Variants in DPH1 observed in about 807,000 individuals in gnomAD.
DPH1 encodes 2-(3-amino-3-carboxypropyl)histidine synthase subunit 1.
A neutral mutation model predicts 55.3 loss-of-function variants in DPH1; 59 were observed. That is an observed-to-expected ratio of 1.07 (90% CI 0.87 to 1.33). The LOEUF (loss-of-function observed/expected upper bound fraction) is 1.33, where lower values mean the gene tolerates loss of function less well. Ranked by LOEUF, DPH1 falls within the 40% of genes most tolerant of loss-of-function variation. DPH1 has a pLI of 0.00. For synonymous variants in DPH1, 238 were observed against 235.5 expected (o/e 1.01, Z -0.10); for missense variants, 628 against 584.8 (o/e 1.07, Z -0.76).
At chr17:2,030,959 G>A (rs2067323693) in intron 1 of DPH1, among the ~76,000 whole-genome samples, 1 of 152,212 alleles carries the variant, frequency 6.6e-6, no homozygotes, top group African/African-American at 2.4e-5. Context: ...CCACACAGTG[G>A]GTGAAGCCTC....
chr17:2,035,600 C>T (rs563639990), intron 3 of DPH1, among the ~76,000 whole-genome samples: 3 of 151,918 alleles, frequency 2.0e-5, no homozygotes, highest in East Asian at 1.9e-4. Context: ...CAGCACTCAG[C>T]GCGGGAGTGA....
chr17:2,040,562 G>A lies in DPH1; in HGVS notation c.964G>A (p.Glu322Lys). The A allele has an allele frequency of 6.2e-7, 1 of 1,614,204 alleles. No homozygotes were observed. The highest frequency in any genetic ancestry group is 8.5e-7 in the Non-Finnish European group (1 of 1,180,038). Residue 322 changes from glutamate (E) to lysine (K), a missense_variant, in exon 9 of 13, where the codon GAG becomes AAG. Coordinates refer to ENST00000263083, the MANE Select transcript of DPH1 (RefSeq NM_001383.6). ...TTCCTTTGTGAGGCTGCTGCTCTCTGAGATCTTCCCCAGCAAGCTTAGCCT... is the reference window on the plus strand; with the variant it reads ...TTCCTTTGTGAGGCTGCTGCTCTCTAAGATCTTCCCCAGCAAGCTTAGCCT... ...GLSFVRLLLS[E>K]IFPSKLSLLP...
intron 12 of DPH1, 82 bp downstream of exon 12, chr17:2,041,957 G>A: frequency 6.6e-7 from 1 of 1,522,274 alleles, no homozygotes; most frequent in Non-Finnish European, 8.8e-7. Flanking sequence ...CGCCCTCGGG[G>A]CGGTGCTGAC....
At chr17:2,030,139 G>T (rs764674601), upstream of DPH1, 37 of 1,592,682 alleles carry the variant, frequency 2.3e-5, no homozygotes, top group Non-Finnish European at 1.7e-6. Context: ...TTCCAGCGCT[G>T]TCTTTTTAGT....
intron 6 of DPH1, chr17:2,038,997 T>C (rs2067468793): frequency 6.6e-6 from 1 of 151,468 alleles, no homozygotes; most frequent in Non-Finnish European, 1.5e-5. Flanking sequence ...CTCCAAGAGG[T>C]GAAGTGAAGG....
At position 2,039,457 on chromosome 17, in the gene DPH1, A is replaced by G. The variant is rs150250088; in HGVS notation, c.681-298A>G. ...CAGTGGCGCGATCTCAGCTCACTGC[A>G]AGCTACGCCTCCCGGGTTCACGCCA... is the stretch of plus-strand genomic sequence containing the variant. On this transcript the variant is annotated intron_variant, in intron 6 of 12. Coordinates refer to ENST00000263083, the MANE Select transcript of DPH1 (RefSeq NM_001383.6). The G allele has an allele frequency of 6.7e-3, 2,077 of 309,600 alleles. 41 individuals are homozygous for G. The highest frequency in any genetic ancestry group is 0.042 in the African/African-American group (1,894 of 45,096). 19.2% of individuals were successfully genotyped at this position (309,600 alleles called of 1,614,324 possible).
chr17:2,042,055 C>T (rs753169301), intron 12 of DPH1, 180 bp downstream of exon 12: 3 of 1,532,910 alleles, frequency 2.0e-6, no homozygotes, highest in Non-Finnish European at 2.6e-6. Context: ...ATAATGGCCG[C>T]GCAGCGACCC....
At chr17:2,031,771 CTTA>C (rs2067335842) in intron 1 of DPH1, among the ~76,000 whole-genome samples, 1 of 151,904 alleles carries the variant, frequency 6.6e-6, no homozygotes, top group East Asian at 1.9e-4. Context: ...GTTTATTCAG[CTTA>C]TTATTTTTTA....
At chr17:2,037,073 G>A (rs2067438547) in intron 6 of DPH1, 117 bp downstream of exon 6, 13 of 1,428,744 alleles carry the variant, frequency 9.1e-6, no homozygotes, top group East Asian at 4.9e-5. Context: ...CTGTGAGCCC[G>A]AGGTCACACT....
rs781752622 is a variant in DPH1 at position 2,040,539 on chromosome 17, C to T, written c.941C>T (p.Ser314Phe). The change falls in exon 9 of 13, where the codon TCC (serine) becomes TTC (phenylalanine). Residue 314 changes from serine to phenylalanine, a missense_variant. Ser to Phe is a radical substitution (Grantham distance 155). Transcript: ENST00000263083. The stretch of plus-strand genomic sequence containing the variant: ...TCTCGACTCCGAGCCTTGGGCCTTT[C>T]CTTTGTGAGGCTGCTGCTCTCTGAG... Reference protein sequence around the residue: ...LESRLRALGLSFVRLLLSEIF... With the variant: ...LESRLRALGLFFVRLLLSEIF... 5.6e-6 allele frequency: 9 copies of T among 1,614,102 alleles called. No individual in the cohort carries two copies. Among genetic ancestry groups the T allele is most frequent in the African/African-American group, 1.3e-5 (1 of 74,936 alleles).
chr17:2,033,391 T>A (rs185470187), intron 1 of DPH1, 114 bp from the exon 2 acceptor site: 1 of 1,533,790 alleles, frequency 6.5e-7, no homozygotes, highest in African/African-American at 1.4e-5. Flanking sequence ...CTCAAAATTT[T>A]TATTTCTATG....
chr17:2,040,145 G>A (rs927800328), intron 7 of DPH1, 73 bp from the exon 8 acceptor site: 1 of 1,578,502 alleles, frequency 6.3e-7, no homozygotes, highest in Non-Finnish European at 8.6e-7. Flanking sequence ...CCACGGGGCT[G>A]AGTCAGGAGC....
At chr17:2,035,456 T>C (rs80233003) in intron 3 of DPH1, among the ~76,000 whole-genome samples, 2 of 15,858 alleles carry the variant, frequency 1.3e-4, no homozygotes, top group African/African-American at 4.0e-4. Context: ...GGTGGGGAGG[T>C]AGTGGGGGTC....
chr17:2,036,841 G>T lies in DPH1; in HGVS notation c.565G>T (p.Ala189Ser), dbSNP rs767417481. ...TCCCTCGTCATTCCTACAGGCAGCC[G>T]CCCAGGAGCTGAAAGCCGAGTATCG... ...IQFVSTLQAA[A>S]QELKAEYRVS... is the part of the protein sequence containing the mutation. The change falls in exon 6 of 13, where the codon GCC becomes TCC. Residue 189 changes from alanine (A) to serine (S), a missense_variant. Transcript: ENST00000263083. This position sits in a 1 kb window ranked among gnomAD's most constrained non-coding sequence, Gnocchi z 4.8. 6.2e-7 allele frequency: 1 copy of T among 1,613,398 alleles called. No homozygotes were observed. The highest frequency in any genetic ancestry group is 8.5e-7 in the Non-Finnish European group (1 of 1,179,874).
chr17:2,043,192 G>A lies in DPH1; in HGVS notation c.*606G>A, dbSNP rs867338899. ...GCCCTCCCAGGACCCTCCACTCACTGCTGTGAGTGCGCCTCACCAGAACCA... is the reference window on the plus strand; with the variant it reads ...GCCCTCCCAGGACCCTCCACTCACTACTGTGAGTGCGCCTCACCAGAACCA... On this transcript the variant is annotated 3_prime_UTR_variant, in exon 13 of 13. Coordinates refer to ENST00000263083, the MANE Select transcript of DPH1 (RefSeq NM_001383.6). The A allele has an allele frequency of 8.9e-6, 13 of 1,453,366 alleles. No individual in the cohort carries two copies. The highest frequency in any genetic ancestry group is 1.2e-5 in the Non-Finnish European group (13 of 1,075,092). 90.0% of individuals were successfully genotyped at this position (1,453,366 alleles called of 1,614,324 possible).
chr17:2,042,161 G>C, intron 12 of DPH1: 1 of 1,493,808 alleles, frequency 6.7e-7, no homozygotes, highest in Non-Finnish European at 8.8e-7. Context: ...GTCGCGCCGA[G>C]CTCGTGTGCC....
chr17:2,040,436 C>T (rs552178394), intron 8 of DPH1, 62 bp downstream of exon 8: 45 of 1,613,624 alleles, frequency 2.8e-5, no homozygotes, highest in African/African-American at 2.1e-4. Flanking sequence ...CTGGGAAAAC[C>T]AGTAGGCCAC....
intron 8 of DPH1, 24 bp downstream of exon 8, chr17:2,040,398 TGGA>T (rs756713564): frequency 3.1e-6 from 5 of 1,613,482 alleles, no homozygotes; most frequent in Admixed American, 1.7e-5. Context: ...GGACAGCCTC[TGGA>T]GGAGGGAAGT....
Position 2,041,179 on chromosome 17 carries a change from G to T in DPH1, c.1084G>T (p.Glu362Ter). Residue 362 changes from glutamate to a stop codon, truncating the protein, a stop_gained and splice_region_variant, in exon 10 of 13, where the codon GAG becomes TAG. Transcript: ENST00000263083. LOFTEE classifies it high-confidence loss of function. ...AFPKPLLTPYEAAVALRDISW... is the reference protein window; with the variant it reads ...AFPKPLLTPY Reference sequence around the variant, plus strand: ...CCCCAAGCCGCTGCTGACACCCTATGAGGTAACACCAAGCTCTGGGAGAGA... The same window carrying T: ...CCCCAAGCCGCTGCTGACACCCTATTAGGTAACACCAAGCTCTGGGAGAGA... 1 of 1,603,704 alleles carries T rather than the reference G, an allele frequency of 6.2e-7. No homozygotes were observed. Among genetic ancestry groups the T allele is most frequent in the Non-Finnish European group, 8.5e-7 (1 of 1,174,852 alleles).
Sources: gnomAD v4.1 joint callset for allele counts (sites outside exome capture counted in the v4.1 genomes callset) on GRCh38, gnomAD v4.1.1 for gene constraint, Gnocchi (gnomAD v3.1) non-coding constraint, MANE v1.5 for transcripts, NCBI Gene and HGNC (gene_info 2026-07-23, HGNC 2026-07-21) for gene names.